Variants in PADI2 observed in about 807,000 individuals in gnomAD.
The protein encoded by PADI2 is peptidyl arginine deiminase 2.
Under a neutral mutation model 81.1 loss-of-function variants are expected in PADI2, and 70 were observed. That is an observed-to-expected ratio of 0.86 (90% confidence interval 0.71 to 1.05). The LOEUF is 1.05. Among genes scored for constraint, PADI2 ranks in the 50% least tolerant of loss-of-function variants. The probability of loss-of-function intolerance (pLI) is 0.00; values close to 1 mark genes in which losing one functional copy is unlikely to be tolerated. For synonymous variants in PADI2, 338 were observed against 358.0 expected, an observed-to-expected ratio of 0.94 and a Z score of 0.63; for missense variants, 853 against 889.9, an observed-to-expected ratio of 0.96 and a Z score of 0.53.
chr1:17,117,741 C>G (rs953111397), intron 1 of PADI2, among the ~76,000 whole-genome samples: 13 of 152,208 alleles, frequency 8.5e-5, no homozygotes, highest in African/African-American at 3.1e-4. Context: ...CAGGCGGCAC[C>G]AACCATGCCC....
chr1:17,104,020 C>T (rs898705640), intron 2 of PADI2, among the ~76,000 whole-genome samples: 12 of 150,794 alleles, frequency 8.0e-5, no homozygotes, highest in African/African-American at 1.5e-4. Context: ...CGGTGGCTCA[C>T]GCCTGTAATC....
chr1:17,095,507 G>A (rs1930882855), intron 4 of PADI2, among the ~76,000 whole-genome samples: 1 of 152,186 alleles, frequency 6.6e-6, no homozygotes, highest in Non-Finnish European at 1.5e-5. Context: ...CACCAGCAGA[G>A]ATAATACCAC....
Position 17,104,431 on chromosome 1 carries a change from C to CTTTTTTTTTTTTTTTTTTTTT in PADI2, c.276+426_276+446dup, listed in dbSNP as rs1217484961. On this transcript the variant is annotated intron_variant, in intron 2 of 15. Coordinates refer to ENST00000375486, the MANE Select transcript of PADI2 (RefSeq NM_007365.3). ...TTTCACCTGTTTCTTTTTGCCTTTT[C>CTTTTTTTTTTTTTTTTTTTTT]TTTTTTTTTTTTTTTTTTTTTGAGA... 2.1e-4 allele frequency among the ~76,000 whole-genome samples: 17 copies of CTTTTTTTTTTTTTTTTTTTTT among 79,816 alleles called. 3 individuals carry two copies. Among genetic ancestry groups the CTTTTTTTTTTTTTTTTTTTTT allele is most frequent in the African/African-American group, 7.9e-4 (16 of 20,238 alleles). The allele number at this position is 79,816 out of a possible 152,430, so 52.4% of individuals were successfully genotyped here.
At chr1:17,099,015 C>A (rs1931046584) in intron 3 of PADI2, among the ~76,000 whole-genome samples, 1 of 152,206 alleles carries the variant, frequency 6.6e-6, no homozygotes, top group African/African-American at 2.4e-5. Flanking sequence ...ACCTCAGTTC[C>A]CCAGAATAGC....
chr1:17,090,789 G>A (rs193258783), intron 6 of PADI2, among the ~76,000 whole-genome samples: 2 of 152,032 alleles, frequency 1.3e-5, no homozygotes, highest in African/African-American at 4.8e-5. Context: ...TTTCTTGTCT[G>A]CTCAGGACCC....
intron 1 of PADI2, among the ~76,000 whole-genome samples, chr1:17,116,296 G>A (rs1449966493): frequency 6.6e-6 from 1 of 152,194 alleles, no homozygotes; most frequent in East Asian, 1.9e-4. Flanking sequence ...CACAGGAAAG[G>A]GAGTCCAGAG....
At chr1:17,100,939 C>T (rs1054875500) in intron 3 of PADI2, among the ~76,000 whole-genome samples, 5 of 152,168 alleles carry the variant, frequency 3.3e-5, no homozygotes, top group East Asian at 1.9e-4. Context: ...GGATTACAGG[C>T]GTGAGACACC....
intron 13 of PADI2, among the ~76,000 whole-genome samples, chr1:17,074,105 A>G (rs1239447465): frequency 1.3e-5 from 2 of 152,184 alleles, no homozygotes; most frequent in Admixed American, 1.3e-4. Context: ...TTTTTATTAT[A>G]GAGAGGCTGG....
chr1:17,118,539 C>T (rs1440784794), intron 1 of PADI2, among the ~76,000 whole-genome samples: 1 of 152,156 alleles, frequency 6.6e-6, no homozygotes, highest in Non-Finnish European at 1.5e-5. Flanking sequence ...ATCCCGCACT[C>T]TACCAAGTTC....
At chr1:17,078,822 A>C (rs2078323167) in intron 11 of PADI2, among the ~76,000 whole-genome samples, 2 of 152,038 alleles carry the variant, frequency 1.3e-5, no homozygotes, top group African/African-American at 4.8e-5. Context: ...CAGCTTCCTG[A>C]GTAGCTGGGA....
chr1:17,091,051 G>A (rs375463092), intron 6 of PADI2, among the ~76,000 whole-genome samples: 1 of 151,862 alleles, frequency 6.6e-6, no homozygotes, highest in Non-Finnish European at 1.5e-5. Flanking sequence ...GGCCCCCTGC[G>A]GCAGCGGAGC....
chr1:17,115,000 G>A lies in PADI2; in HGVS notation c.92+4280C>T, dbSNP rs868714145. ...CATAGCACCCCAGGCCCCCATCATG[G>A]AAAACTGGATCTCAGACCCTCCTGG... On this transcript the variant is annotated intron_variant, in intron 1 of 15. Transcript: ENST00000375486. 3.9e-5 allele frequency among the ~76,000 whole-genome samples: 6 copies of A among 152,280 alleles called. 1 individual carries two copies. The highest frequency in any genetic ancestry group is 3.4e-3 in the Middle Eastern group (1 of 294).
intron 3 of PADI2, among the ~76,000 whole-genome samples, chr1:17,099,067 G>T (rs1043580548): frequency 6.6e-6 from 1 of 152,226 alleles, no homozygotes; most frequent in Admixed American, 6.5e-5. Flanking sequence ...GCAGATTGAC[G>T]GGAAATGTCC....
chr1:17,090,464 C>T lies in PADI2; in HGVS notation c.655+1944G>A, dbSNP rs74056998. ...CTTGGGGAGAGCTGGTCTGACCCTA[C>T]CAGGACACCTGACATTCGCTCATCC... On this transcript the variant is annotated intron_variant, in intron 6 of 15. Transcript: ENST00000375486. Among the ~76,000 whole-genome samples the T allele has an allele frequency of 3.6e-3, 550 of 152,326 alleles. 2 individuals carry two copies. The highest frequency in any genetic ancestry group is 0.012 in the African/African-American group (495 of 41,556).
rs1931858386 is a variant in PADI2, at chr1:17,119,230, G to A, written c.92+50C>T. On this transcript the variant is annotated intron_variant, in intron 1 of 15. Transcript: ENST00000375486. The surrounding 1 kb of genome is among the most constrained non-coding windows in gnomAD (Gnocchi z 4.8). Reference sequence around the variant, plus strand: ...GTCCCCGAGTCTGAGCGCGTCTCAGGATTTCTGGGCTCGAGATCTCGGCCC... The same window carrying A: ...GTCCCCGAGTCTGAGCGCGTCTCAGAATTTCTGGGCTCGAGATCTCGGCCC... The A allele has an allele frequency of 7.5e-7, 1 of 1,330,366 alleles. No homozygotes were observed. Among genetic ancestry groups the A allele is most frequent in the African/African-American group, 1.5e-5 (1 of 65,632 alleles). The allele number at this position is 1,330,366 out of a possible 1,614,324, so 82.4% of individuals were successfully genotyped here. A position where few individuals can be genotyped will look rare whatever the true frequency, so the allele number is the denominator to read the frequency against.
intron 3 of PADI2, among the ~76,000 whole-genome samples, chr1:17,097,668 G>C (rs1570995996): frequency 6.6e-6 from 1 of 152,222 alleles, no homozygotes; most frequent in Non-Finnish European, 1.5e-5. Context: ...CCCAGGTTCA[G>C]AGAAGCCACT....
intron 1 of PADI2, among the ~76,000 whole-genome samples, chr1:17,109,734 G>A (rs184347641): frequency 6.6e-6 from 1 of 152,112 alleles, no homozygotes; most frequent in Admixed American, 6.5e-5. Flanking sequence ...CAAGTGATCC[G>A]TTCGCCTTGG....
At chr1:17,070,929 TG>T (rs1182915962) in intron 14 of PADI2, among the ~76,000 whole-genome samples, 1 of 152,212 alleles carries the variant, frequency 6.6e-6, no homozygotes, top group Non-Finnish European at 1.5e-5. Context: ...CCCAAAGAGT[TG>T]GGATTACAGG....
At chr1:17,109,940 G>C (rs111940916) in intron 1 of PADI2, among the ~76,000 whole-genome samples, 144 of 152,330 alleles carry the variant, frequency 9.5e-4, no homozygotes, top group Admixed American at 1.5e-3. Context: ...CTCTGGACCA[G>C]AGAGAAACCA....
Sources: allele counts gnomAD v4.1 joint callset (sites outside exome capture counted in the v4.1 genomes callset), GRCh38; gene constraint gnomAD v4.1.1; non-coding constraint Gnocchi (gnomAD v3.1); transcripts MANE v1.5; gene names NCBI Gene and HGNC (gene_info 2026-07-23, HGNC 2026-07-21).